The following KAZN variants were observed in gnomAD, a reference collection of about 807,000 sequenced individuals.
The protein encoded by KAZN is kazrin, periplakin interacting protein, also known as kazrin.
In KAZN, 40 loss-of-function variants were observed where a neutral mutation model predicts 87.4. The ratio of observed to expected loss-of-function variants is 0.46; its 90% confidence interval spans 0.36 to 0.60. KAZN has a LOEUF of 0.60. Ranked by LOEUF, KAZN falls within the 20% of genes least tolerant of loss-of-function variation. The probability of loss-of-function intolerance (pLI) is 0.00; values close to 1 mark genes in which losing one functional copy is unlikely to be tolerated. For missense variants in KAZN, 898 were observed against 1,073.9 expected (o/e 0.84, Z 2.29); for synonymous variants, 466 against 458.3 (o/e 1.02, Z -0.22).
rs1006582619 is a variant in KAZN, at chr1:14,692,128, A to G, written c.226+92905A>G. On this transcript the variant is annotated intron_variant, in intron 1 of 14. Transcript: ENST00000376030. ...CATCACCCTGTACAAGAAAAGTTTC[A>G]GGCTTCTAGCTTCACCGAATCTAGT... 154 of 312,362 alleles carry G rather than the reference A, an allele frequency of 4.9e-4. 2 individuals are homozygous for G. The East Asian group carries it at 7.9e-3, about 16-fold the overall frequency. 19.3% of individuals were successfully genotyped at this position (312,362 alleles called of 1,614,324 possible).
At chr1:14,042,072 GT>G (rs777629037) in intron 1 of KAZN, among the ~76,000 whole-genome samples, 2 of 151,982 alleles carry the variant, frequency 1.3e-5, no homozygotes, top group Admixed American at 6.6e-5. Flanking sequence ...ATTTTAAAAT[GT>G]TTTTTCTTTG....
At chr1:15,032,180 C>CTTT (rs376242671) in intron 2 of KAZN, among the ~76,000 whole-genome samples, 47 of 82,686 alleles carry the variant, frequency 5.7e-4, no homozygotes, top group African/African-American at 8.2e-4. Flanking sequence ...GTGGACATTT[C>CTTT]TTTTTTTTTT....
In KAZN at chr1:14,851,529, C is replaced by A. The variant is rs1368879838; in HGVS notation, c.227-109155C>A. 2.0e-5 allele frequency among the ~76,000 whole-genome samples: 3 copies of A among 152,212 alleles called. No individual in the cohort carries two copies. The East Asian group carries it at 5.8e-4, about 29-fold the overall frequency. On this transcript the variant is annotated intron_variant, in intron 1 of 14. Transcript: ENST00000376030. Reference sequence around the variant, plus strand: ...ATGTGGGCAAGCAAGAACAAAGGCACCCCTCATCAGAGGCTCGTTTGGGGT... The same window carrying A: ...ATGTGGGCAAGCAAGAACAAAGGCAACCCTCATCAGAGGCTCGTTTGGGGT...
intron 2 of KAZN, among the ~76,000 whole-genome samples, chr1:14,383,832 G>GT (rs1332547688): frequency 2.0e-5 from 3 of 151,720 alleles, no homozygotes; most frequent in Admixed American, 1.3e-4. Context: ...CTTTAAAGTA[G>GT]TTTTTCCAAT....
chr1:14,272,494 C>A (rs1652025180), intron 2 of KAZN, among the ~76,000 whole-genome samples: 1 of 152,184 alleles, frequency 6.6e-6, no homozygotes, highest in Admixed American at 6.5e-5. Flanking sequence ...ATTCAGCATT[C>A]ATGTTTTGCA....
chr1:13,911,731 A>G (rs1458340485), intron 1 of KAZN, among the ~76,000 whole-genome samples: 3 of 152,220 alleles, frequency 2.0e-5, no homozygotes, highest in African/African-American at 7.2e-5. Context: ...TTGCTGTATA[A>G]TATCATTTAA....
At position 14,388,177 on chromosome 1, in the gene KAZN, A is replaced by G. The variant is rs576973204; in HGVS notation, c.249+207585A>G. Among the ~76,000 whole-genome samples the G allele has an allele frequency of 2.7e-3, 404 of 152,218 alleles. 2 individuals are homozygous for G. The highest frequency in any genetic ancestry group is 8.9e-3 in the African/African-American group (368 of 41,518). On this transcript the variant is annotated intron_variant, in intron 2 of 16. Transcript: ENST00000636203. ...AATGCCTCGCCCTGCTTCGGCTGGC[A>G]CACGGTGCGAGCACCCCCTGACCTG...
At chr1:14,823,935 G>A (rs1286679202) in intron 1 of KAZN, among the ~76,000 whole-genome samples, 5 of 152,248 alleles carry the variant, frequency 3.3e-5, no homozygotes, top group Non-Finnish European at 7.4e-5. Context: ...CCAACATGGT[G>A]AAACCCCGTC....
intron 1 of KAZN, among the ~76,000 whole-genome samples, chr1:13,962,273 G>T (rs368919841): frequency 1.3e-5 from 2 of 152,202 alleles, no homozygotes; most frequent in Non-Finnish European, 1.5e-5. Flanking sequence ...GGAGCAGGAG[G>T]TGAGGCCAGA....
intron 1 of KAZN, among the ~76,000 whole-genome samples, chr1:14,050,679 G>A (rs1324006903): frequency 6.6e-6 from 1 of 152,096 alleles, no homozygotes; most frequent in Non-Finnish European, 1.5e-5. Context: ...GGGATGCAGA[G>A]CCAAAACCTA....
At chr1:14,035,029 C>A (rs941392676) in intron 1 of KAZN, among the ~76,000 whole-genome samples, 1 of 152,148 alleles carries the variant, frequency 6.6e-6, no homozygotes, top group East Asian at 1.9e-4. Context: ...GACAAAAAGG[C>A]AGCATTCCTC....
At chr1:14,296,766 G>T (rs1282455824) in intron 2 of KAZN, among the ~76,000 whole-genome samples, 3 of 150,058 alleles carry the variant, frequency 2.0e-5, no homozygotes, top group Non-Finnish European at 3.0e-5. Context: ...CTCCCAAGTA[G>T]CTGGGACTAC....
At position 15,081,384 on chromosome 1, in the gene KAZN, G is replaced by GTGGT. The variant is rs1639997719; in HGVS notation, c.1223-12792_1223-12789dup. ...AAAATATAAGAGCCGGTTGTTAAAC[G>GTGGT]TGGTTGGGCCCTTGCTAGGGACTAG... On this transcript the variant is annotated intron_variant, in intron 8 of 14. Transcript: ENST00000376030. This position sits in a 1 kb window ranked among gnomAD's most constrained non-coding sequence, Gnocchi z 4.1. Among the ~76,000 whole-genome samples the GTGGT allele has an allele frequency of 6.6e-6, 1 of 152,194 alleles. No individual in the cohort carries two copies. Among genetic ancestry groups the GTGGT allele is most frequent in the South Asian group, 2.1e-4 (1 of 4,834 alleles).
At chr1:14,870,946 A>G (rs1323271337) in intron 1 of KAZN, among the ~76,000 whole-genome samples, 1 of 152,256 alleles carries the variant, frequency 6.6e-6, no homozygotes, top group Non-Finnish European at 1.5e-5. Context: ...GCCTGGGGTC[A>G]CACAATAACC....
chr1:14,489,100 A>G (rs1186290811), intron 2 of KAZN, among the ~76,000 whole-genome samples: 1 of 152,206 alleles, frequency 6.6e-6, no homozygotes, highest in African/African-American at 2.4e-5. Context: ...TTCTTTGGCA[A>G]TTGTTGTTTT....
In KAZN at chr1:14,923,672, T is replaced by G. The variant is rs1490746347; in HGVS notation, c.227-37012T>G. 2.6e-5 allele frequency among the ~76,000 whole-genome samples: 4 copies of G among 152,026 alleles called. No homozygotes were observed. The highest frequency in any genetic ancestry group is 5.9e-5 in the Non-Finnish European group (4 of 67,984). On this transcript the variant is annotated intron_variant, in intron 1 of 14. Coordinates refer to ENST00000376030, the MANE Select transcript of KAZN (RefSeq NM_201628.3). The surrounding 1 kb of genome is among the most constrained non-coding windows in gnomAD (Gnocchi z 4.2). Reference sequence around the variant, plus strand: ...ACCAGACGGTGGGTGCACTCAGCATTCCCCTCACTTAGAGGATGGCCGGTC... The same window carrying G: ...ACCAGACGGTGGGTGCACTCAGCATGCCCCTCACTTAGAGGATGGCCGGTC...
intron 1 of KAZN, among the ~76,000 whole-genome samples, chr1:14,919,887 T>C (rs1219778683): frequency 1.3e-5 from 2 of 152,200 alleles, no homozygotes; most frequent in East Asian, 1.9e-4. Context: ...CAATAGACTA[T>C]ACCATATAGC....
chr1:14,946,724 A>C (rs1242158368), intron 1 of KAZN, among the ~76,000 whole-genome samples: 1 of 152,170 alleles, frequency 6.6e-6, no homozygotes, highest in Non-Finnish European at 1.5e-5. Flanking sequence ...TTACATCTGC[A>C]GGGACTGTCA....
chr1:14,898,387 C>G (rs149919367), intron 1 of KAZN, among the ~76,000 whole-genome samples: 1,560 of 152,262 alleles, frequency 0.01, 32 homozygotes, highest in African/African-American at 0.035. Flanking sequence ...GGTCCTTTCT[C>G]AGGAGTGGCT....
Sources: allele counts gnomAD v4.1 joint callset (sites outside exome capture counted in the v4.1 genomes callset), GRCh38; gene constraint gnomAD v4.1.1; non-coding constraint Gnocchi (gnomAD v3.1); transcripts MANE v1.5; gene names NCBI Gene and HGNC (gene_info 2026-07-23, HGNC 2026-07-21).